The following MXD3 variants were observed in gnomAD, a reference collection of about 807,000 sequenced individuals.
MXD3 encodes the protein Max-associated protein 3.
MXD3 carries 20 observed loss-of-function variants against 27.5 expected under a neutral mutation model. The observed-to-expected ratio is 0.73, with a 90% CI of 0.51 to 1.06. MXD3 has a LOEUF of 1.06. Among genes scored for constraint, MXD3 ranks in the 50% least tolerant of loss-of-function variants. MXD3 has a pLI of 0.00. For missense variants in MXD3, 298 were observed against 291.3 expected, an observed-to-expected ratio of 1.02 and a Z score of -0.17; for synonymous variants, 150 against 130.7, an observed-to-expected ratio of 1.15 and a Z score of -1.01.
chr5:177,309,973 G>A (rs1351726542), intron 4 of MXD3, among the ~76,000 whole-genome samples: 1 of 152,200 alleles, frequency 6.6e-6, no homozygotes, highest in Admixed American at 6.5e-5. Context: ...TGCCTCCCAG[G>A]TGGCACCAGG....
At chr5:177,308,136 CCTTT>C in intron 4 of MXD3, 172 bp from the exon 5 acceptor site, 1 of 624,898 alleles carries the variant, frequency 1.6e-6, no homozygotes, top group East Asian at 2.8e-5. Flanking sequence ...AAAGCCAGCC[CCTTT>C]CCGGCCATGC....
At position 177,307,770 on chromosome 5, in the gene MXD3, G is replaced by A. The variant is rs370012402; in HGVS notation, c.505+11C>T. On this transcript the variant is annotated intron_variant, in intron 5 of 5. Coordinates refer to ENST00000439742, the MANE Select transcript of MXD3 (RefSeq NM_031300.4). ...GAGGGCCACACAACCCCTCAGCCTCGGGGCACTCACCTTGGTCTGAGTCTG... is the reference window on the plus strand; with the variant it reads ...GAGGGCCACACAACCCCTCAGCCTCAGGGCACTCACCTTGGTCTGAGTCTG... 2.2e-5 allele frequency: 35 copies of A among 1,612,910 alleles called. No homozygotes were observed. Among genetic ancestry groups the A allele is most frequent in the Non-Finnish European group, 2.8e-5 (33 of 1,179,750 alleles).
At chr5:177,307,755 C>T (rs1241706184) in intron 5 of MXD3, 26 bp downstream of exon 5, 2 of 1,613,090 alleles carry the variant, frequency 1.2e-6, no homozygotes, top group East Asian at 2.2e-5. Flanking sequence ...GAGGGCCACA[C>T]AACCCCTCAG....
upstream of MXD3, chr5:177,312,061 C>A: frequency 8.2e-7 from 1 of 1,214,092 alleles, no homozygotes; most frequent in Non-Finnish European, 1.0e-6. Context: ...CTCAGACTTT[C>A]CAGGGGCAGG....
intron 4 of MXD3, among the ~76,000 whole-genome samples, chr5:177,308,443 G>A (rs1760950905): frequency 6.6e-6 from 1 of 152,000 alleles, no homozygotes; most frequent in African/African-American, 2.4e-5. Flanking sequence ...CACAATCTCG[G>A]CTCACCACAA....
chr5:177,312,064 G>T (rs1213207273), upstream of MXD3: 25 of 1,211,050 alleles, frequency 2.1e-5, no homozygotes, highest in Non-Finnish European at 2.5e-5. Context: ...AGACTTTCCA[G>T]GGGCAGGTAA....
chr5:177,306,781 C>G (rs903539249), downstream of MXD3: 4 of 902,946 alleles, frequency 4.4e-6, no homozygotes, highest in East Asian at 5.3e-5. Context: ...AGCTGAGGAC[C>G]GAGGCACAGA....
chr5:177,308,978 G>C (rs746618675), intron 4 of MXD3, among the ~76,000 whole-genome samples: 1 of 152,194 alleles, frequency 6.6e-6, no homozygotes, highest in East Asian at 1.9e-4. Flanking sequence ...ACAAGAAGGG[G>C]AGAACTGGGC....
intron 3 of MXD3, 56 bp from the exon 4 acceptor site, chr5:177,310,596 T>A: frequency 6.2e-7 from 1 of 1,612,898 alleles, no homozygotes; most frequent in Non-Finnish European, 8.5e-7. Context: ...GCCACAGGAA[T>A]GGCAGGGGAG....
At chr5:177,306,481 G>A (rs1760879372), downstream of MXD3, 1 of 1,613,802 alleles carries the variant, frequency 6.2e-7, no homozygotes, top group Non-Finnish European at 8.5e-7. Flanking sequence ...GAAGGCAAAG[G>A]AGACGGCACT....
At chr5:177,311,578 C>A in intron 1 of MXD3, 94 bp from the exon 2 acceptor site, 1 of 1,208,190 alleles carries the variant, frequency 8.3e-7, no homozygotes, top group South Asian at 1.6e-5. Flanking sequence ...AGGCTTTTGG[C>A]GCCAGGACCA....
At chr5:177,307,066 GA>G, downstream of MXD3, 1 of 1,461,586 alleles carries the variant, frequency 6.8e-7, no homozygotes, top group Non-Finnish European at 9.1e-7. Flanking sequence ...AGTGGAGACA[GA>G]ACAGCCTCAA....
At chr5:177,307,056 A>T, downstream of MXD3, 1 of 1,454,560 alleles carries the variant, frequency 6.9e-7, no homozygotes, top group Non-Finnish European at 9.1e-7. Context: ...CCATCCGTGA[A>T]GTGGAGACAG....
rs1761036498 is a variant in MXD3, at chr5:177,311,451, T to C, written c.104A>G (p.His35Arg). The change falls in exon 2 of 6, where the codon CAT (histidine) becomes CGT (arginine). Residue 35 changes from histidine to arginine, a missense_variant. By Grantham distance (29) the His-to-Arg change is conservative. Coordinates refer to ENST00000439742, the MANE Select transcript of MXD3 (RefSeq NM_031300.4). ...AEHGYASLCP[H>R]RSPGPIHRRK... ...CCTGTGGATGGGGCCTGGACTGCGATGCGGGCACAGGGACGCATAACCATG... is the reference window on the plus strand; with the variant it reads ...CCTGTGGATGGGGCCTGGACTGCGACGCGGGCACAGGGACGCATAACCATG... The C allele has an allele frequency of 2.1e-6, 3 of 1,435,770 alleles. 1 individual carries two copies. The highest frequency in any genetic ancestry group is 3.3e-5 in the Admixed American group (1 of 29,974). 88.9% of individuals were successfully genotyped at this position (1,435,770 alleles called of 1,614,324 possible). A position where few individuals can be genotyped will look rare whatever the true frequency, so the allele number is the denominator to read the frequency against.
chr5:177,311,489 C>T lies in MXD3; in HGVS notation c.71-5G>A. 1 of 1,432,746 alleles carries T rather than the reference C, an allele frequency of 7.0e-7. No homozygotes were observed. The highest frequency in any genetic ancestry group is 9.1e-7 in the Non-Finnish European group (1 of 1,093,220). The allele number at this position is 1,432,746 out of a possible 1,614,324, so 88.8% of individuals were successfully genotyped here. ...ACGCATAACCATGCTCGGCCTCTGC[C>T]AGAGAGAGTCCCCGCCCGCGTCAGG... On this transcript the variant is annotated splice_region_variant and splice_polypyrimidine_tract_variant and intron_variant, in intron 1 of 5. Transcript: ENST00000439742.
chr5:177,305,721 T>C, downstream of MXD3: 2 of 664,514 alleles, frequency 3.0e-6, no homozygotes, highest in South Asian at 1.8e-5. Flanking sequence ...TGGCTTCTTG[T>C]TCTGTCAGTG....
chr5:177,311,631 C>T, intron 1 of MXD3, 130 bp downstream of exon 1: 2 of 1,179,844 alleles, frequency 1.7e-6, no homozygotes, highest in Non-Finnish European at 1.2e-6. Context: ...GGACTCCTCT[C>T]GAGTTGAGGG....
rs777912693 is a variant in MXD3, at chr5:177,307,719, T to C, written c.506-16A>G. 1 of 1,613,464 alleles carries C rather than the reference T, an allele frequency of 6.2e-7. No individual in the cohort carries two copies. Among genetic ancestry groups the C allele is most frequent in the African/African-American group, 1.3e-5 (1 of 74,904 alleles). On this transcript the variant is annotated splice_polypyrimidine_tract_variant and intron_variant, in intron 5 of 5. Coordinates refer to ENST00000439742, the MANE Select transcript of MXD3 (RefSeq NM_031300.4). ...TCCAGCTCCTCTGCGCGGGGAGGGG[T>C]CCGGTCAGAAGACCTGGCTCGCCCC... is the stretch of plus-strand genomic sequence containing the variant.
intron 2 of MXD3, 62 bp downstream of exon 2, chr5:177,311,317 A>C: frequency 2.6e-6 from 3 of 1,141,114 alleles, no homozygotes; most frequent in Non-Finnish European, 3.6e-6. Flanking sequence ...TGGGCAGAGG[A>C]GGGCCCGACC....
Sources: allele counts gnomAD v4.1 joint callset (sites outside exome capture counted in the v4.1 genomes callset), GRCh38; gene constraint gnomAD v4.1.1; transcripts MANE v1.5; gene names NCBI Gene and HGNC (gene_info 2026-07-23, HGNC 2026-07-21).